Variants in MGAT3 observed in about 807,000 individuals in gnomAD.
MGAT3 encodes the protein beta-1,4-mannosyl-glycoprotein 4-beta-N-acetylglucosaminyltransferase.
MGAT3 carries 9 observed loss-of-function variants against 29.8 expected under a neutral mutation model. That is an observed-to-expected ratio of 0.30 (90% CI 0.18 to 0.53). The LOEUF (loss-of-function observed/expected upper bound fraction) is 0.53. Ranked by LOEUF, MGAT3 falls within the 20% of genes least tolerant of loss-of-function variation. The probability of loss-of-function intolerance (pLI) is 0.96; values close to 1 mark genes in which losing one functional copy is unlikely to be tolerated. For synonymous variants in MGAT3, 397 were observed against 348.9 expected (o/e 1.14, Z -1.54); for missense variants, 557 against 769.5 (o/e 0.72, Z 3.27).
At chr22:39,485,281 G>C (rs931152929) in intron 1 of MGAT3, among the ~76,000 whole-genome samples, 1 of 152,120 alleles carries the variant, frequency 6.6e-6, no homozygotes, top group African/African-American at 2.4e-5. Flanking sequence ...GGATGGCTAC[G>C]GTCGGAGGTG....
In MGAT3 at chr22:39,490,743, G is replaced by C. The variant is rs1569008525; in HGVS notation, c.*1794G>C. 1 of 167,054 alleles carries C rather than the reference G, an allele frequency of 6.0e-6. No individual in the cohort carries two copies. Among genetic ancestry groups the C allele is most frequent in the South Asian group, 2.1e-4 (1 of 4,826 alleles). The allele number at this position is 167,054 out of a possible 1,614,324, so 10.3% of individuals were successfully genotyped here. On this transcript the variant is annotated 3_prime_UTR_variant, in exon 2 of 2. Coordinates refer to ENST00000341184, the MANE Select transcript of MGAT3 (RefSeq NM_002409.5). ...TGTATATTTATGGGCATGGGTGCAT[G>C]CTTGGTGTGTATTTGTACATGTCTG...
intron 1 of MGAT3, among the ~76,000 whole-genome samples, chr22:39,467,436 G>A (rs920169334): frequency 1.3e-5 from 2 of 152,132 alleles, no homozygotes; most frequent in African/African-American, 2.4e-5. Context: ...GGGCCTTCTC[G>A]CTTTGGGAGT....
At chr22:39,476,795 A>ATCTGC (rs1442931253) in intron 1 of MGAT3, 1 of 152,178 alleles carries the variant, frequency 6.6e-6, no homozygotes, top group Admixed American at 6.6e-5. Flanking sequence ...AGACACACAT[A>ATCTGC]TCTGCGTCCC....
At chr22:39,481,783 A>G (rs1038114050) in intron 1 of MGAT3, among the ~76,000 whole-genome samples, 3 of 152,168 alleles carry the variant, frequency 2.0e-5, no homozygotes, top group African/African-American at 4.8e-5. Flanking sequence ...CTATTGTGCA[A>G]TGCTGTGCAA....
intron 1 of MGAT3, among the ~76,000 whole-genome samples, chr22:39,465,498 G>A (rs1480808900): frequency 2.0e-5 from 3 of 152,170 alleles, no homozygotes; most frequent in Non-Finnish European, 2.9e-5. Context: ...TTTGTTAATT[G>A]TAGAACGCTG....
chr22:39,488,661 C>T lies in MGAT3; in HGVS notation c.1314C>T (p.Gly438=), dbSNP rs1481248800. 1 of 1,613,728 alleles carries T rather than the reference C, an allele frequency of 6.2e-7. No homozygotes were observed. ...TCAAGCTCGTGTCCGCCCAGAATGG[C>T]GACTTCCCACGCTGGGGTGACTACG... The part of the protein sequence containing the change: ...IYFKLVSAQN[G]DFPRWGDYED... The change falls in exon 2 of 2, where the codon GGC becomes GGT. Residue 438 remains glycine (G), a synonymous_variant. Coordinates refer to ENST00000341184, the MANE Select transcript of MGAT3 (RefSeq NM_002409.5).
At position 39,469,082 on chromosome 22, in the gene MGAT3, A is replaced by T. The variant is rs191615315; in HGVS notation, c.-2+11525A>T. Among the ~76,000 whole-genome samples, 334 of 149,576 alleles carry T rather than the reference A, an allele frequency of 2.2e-3. 5 individuals are homozygous for T. The highest frequency in any genetic ancestry group is 7.8e-3 in the African/African-American group (315 of 40,388). On this transcript the variant is annotated intron_variant, in intron 1 of 1. Transcript: ENST00000341184. Reference sequence around the variant, plus strand: ...TAGGCTTGGGGTTGGGAGATTTGGGAAGTGCGGGCAGTGGGACTGACTGCC... The same window carrying T: ...TAGGCTTGGGGTTGGGAGATTTGGGTAGTGCGGGCAGTGGGACTGACTGCC...
At chr22:39,462,137 G>A (rs1158231954) in intron 1 of MGAT3, among the ~76,000 whole-genome samples, 1 of 152,124 alleles carries the variant, frequency 6.6e-6, no homozygotes, top group Non-Finnish European at 1.5e-5. Context: ...CTGACCTTGT[G>A]ATCCGCCTGC....
chr22:39,478,344 C>T (rs1421229571), intron 1 of MGAT3, among the ~76,000 whole-genome samples: 1 of 152,232 alleles, frequency 6.6e-6, no homozygotes. Flanking sequence ...GGTGTTGGGC[C>T]TGCTTTACTG....
rs1468960423 is a variant in MGAT3 at position 39,490,595 on chromosome 22, TGA to T, written c.*1648_*1649del. The T allele has an allele frequency of 6.0e-6, 1 of 167,036 alleles. No homozygotes were observed. The highest frequency in any genetic ancestry group is 1.5e-5 in the Non-Finnish European group (1 of 68,066). 10.3% of individuals were successfully genotyped at this position (167,036 alleles called of 1,614,324 possible). On this transcript the variant is annotated 3_prime_UTR_variant, in exon 2 of 2. Coordinates refer to ENST00000341184, the MANE Select transcript of MGAT3 (RefSeq NM_002409.5). ...CTGTGCAGCCCAGGGCTGGGGGCAG[TGA>T]GGAGCTTGCAGCTCTGTGGGAAGGG...
intron 1 of MGAT3, among the ~76,000 whole-genome samples, chr22:39,466,626 A>G (rs1407575314): frequency 2.6e-4 from 39 of 152,104 alleles, no homozygotes; most frequent in Non-Finnish European, 3.5e-4. Flanking sequence ...CTGCTGCCAG[A>G]GCCCCCTCTC....
Position 39,487,281 on chromosome 22 carries a change from G to A in MGAT3, c.-1-66G>A, listed in dbSNP as rs374606988. 25 of 1,519,412 alleles carry A rather than the reference G, an allele frequency of 1.6e-5. 1 individual carries two copies. The African/African-American group carries it at 3.5e-4, about 21-fold the overall frequency. 94.1% of individuals were successfully genotyped at this position (1,519,412 alleles called of 1,614,324 possible). On this transcript the variant is annotated intron_variant, in intron 1 of 1. Coordinates refer to ENST00000341184, the MANE Select transcript of MGAT3 (RefSeq NM_002409.5). This position sits in a 1 kb window ranked among gnomAD's most constrained non-coding sequence, Gnocchi z 5.7. ...GCAAGGTGGCAGCAGAGGCCTCCTA[G>A]GTCCCCTTCCTAGGAAAGGAGCCTG...
At chr22:39,465,809 G>A (rs1201648480) in intron 1 of MGAT3, among the ~76,000 whole-genome samples, 1 of 152,018 alleles carries the variant, frequency 6.6e-6, no homozygotes, top group Non-Finnish European at 1.5e-5. Flanking sequence ...GCGGGTGCCT[G>A]TAATCTCAGC....
intron 1 of MGAT3, among the ~76,000 whole-genome samples, chr22:39,463,261 T>C (rs1928547489): frequency 6.6e-6 from 1 of 152,226 alleles, no homozygotes; most frequent in Admixed American, 6.5e-5. Context: ...TCATCCCTGT[T>C]TGGCACTTTG....
At chr22:39,473,128 G>A (rs778995502) in intron 1 of MGAT3, among the ~76,000 whole-genome samples, 8 of 152,138 alleles carry the variant, frequency 5.3e-5, no homozygotes, top group Non-Finnish European at 8.8e-5. Flanking sequence ...GCACAGCCCC[G>A]TCAGAGGGCG....
chr22:39,469,629 C>T (rs1434651429), intron 1 of MGAT3, among the ~76,000 whole-genome samples: 2 of 152,244 alleles, frequency 1.3e-5, no homozygotes, highest in Non-Finnish European at 2.9e-5. Context: ...CCTCCACTGC[C>T]ACCCGGGGCA....
intron 1 of MGAT3, among the ~76,000 whole-genome samples, chr22:39,478,387 T>G (rs148897987): frequency 1.0e-3 from 152 of 152,296 alleles, no homozygotes; most frequent in African/African-American, 3.5e-3. Context: ...CTTCTCCCAG[T>G]TGGAGGAGTG....
intron 1 of MGAT3, among the ~76,000 whole-genome samples, chr22:39,481,275 C>T (rs934713772): frequency 2.6e-5 from 4 of 151,960 alleles, no homozygotes; most frequent in African/African-American, 4.8e-5. Context: ...GTCGCCTCCT[C>T]GGTGAGCCTG....
chr22:39,463,683 A>G (rs1928558364), intron 1 of MGAT3, among the ~76,000 whole-genome samples: 1 of 152,158 alleles, frequency 6.6e-6, no homozygotes, highest in Non-Finnish European at 1.5e-5. Context: ...AGGCTGAGGC[A>G]GGAGGATTCA....
Sources: allele counts gnomAD v4.1 joint callset (sites outside exome capture counted in the v4.1 genomes callset), GRCh38; gene constraint gnomAD v4.1.1; non-coding constraint Gnocchi (gnomAD v3.1); transcripts MANE v1.5; gene names NCBI Gene and HGNC (gene_info 2026-07-23, HGNC 2026-07-21).